Variants in PARP8 observed in about 807,000 individuals in gnomAD.
PARP8 encodes poly(ADP-ribose) polymerase family member 8.
A neutral mutation model predicts 124.1 loss-of-function variants in PARP8; 51 were observed. That is an observed-to-expected ratio of 0.41 (90% CI 0.33 to 0.52). The LOEUF (loss-of-function observed/expected upper bound fraction) is 0.52, where lower values mean the gene tolerates loss of function less well. PARP8 is among the 20% of genes least tolerant of loss of function. PARP8 has a pLI of 0.21. For missense variants in PARP8, 860 were observed against 1,018.9 expected, an observed-to-expected ratio of 0.84 and a Z score of 2.12; for synonymous variants, 391 against 361.5, an observed-to-expected ratio of 1.08 and a Z score of -0.93.
chr5:50,714,498 T>C (rs1239009120), intron 2 of PARP8, among the ~76,000 whole-genome samples: 1 of 152,136 alleles, frequency 6.6e-6, no homozygotes, highest in African/African-American at 2.4e-5. Context: ...GGTGGTTTGC[T>C]GCGCCTATCA....
chr5:50,729,486 A>G (rs1416175110), intron 2 of PARP8, among the ~76,000 whole-genome samples: 7 of 152,186 alleles, frequency 4.6e-5, no homozygotes, highest in Non-Finnish European at 1.0e-4. Context: ...AGTGCTGTGT[A>G]ACTAGGACAA....
rs900257356 is a variant in PARP8 at position 50,842,731 on chromosome 5, G to A, written c.*663G>A. Reference sequence around the variant, plus strand: ...GGCTTAGCTTCACAATTCTATCCTCGTTTAATGGAAAGAAGATAATATTTA... The same window carrying A: ...GGCTTAGCTTCACAATTCTATCCTCATTTAATGGAAAGAAGATAATATTTA... On this transcript the variant is annotated 3_prime_UTR_variant, in exon 26 of 26. Coordinates refer to ENST00000281631, the MANE Select transcript of PARP8 (RefSeq NM_024615.4). The A allele has an allele frequency of 4.6e-5, 7 of 151,604 alleles. No individual in the cohort carries two copies. Among genetic ancestry groups the A allele is most frequent in the African/African-American group, 1.2e-4 (5 of 41,344 alleles). 9.4% of individuals were successfully genotyped at this position (151,604 alleles called of 1,614,324 possible).
At chr5:50,706,112 C>G (rs180743859) in intron 2 of PARP8, among the ~76,000 whole-genome samples, 8 of 152,066 alleles carry the variant, frequency 5.3e-5, no homozygotes, top group Non-Finnish European at 1.2e-4. Context: ...TACTGTTTCC[C>G]CCATTCTTGC....
chr5:50,779,770 A>C (rs1740458130), intron 9 of PARP8, among the ~76,000 whole-genome samples: 1 of 152,198 alleles, frequency 6.6e-6, no homozygotes, highest in South Asian at 2.1e-4. Flanking sequence ...TCCTTTAGGC[A>C]TATCAGGGAA....
chr5:50,810,250 A>G (rs1448273278), intron 14 of PARP8, among the ~76,000 whole-genome samples: 3 of 152,128 alleles, frequency 2.0e-5, no homozygotes, highest in Non-Finnish European at 4.4e-5. Flanking sequence ...GCAATATAAT[A>G]TAATATTAAG....
intron 2 of PARP8, among the ~76,000 whole-genome samples, chr5:50,707,229 A>G: frequency 6.6e-6 from 1 of 152,204 alleles, no homozygotes; most frequent in East Asian, 1.9e-4. Flanking sequence ...GATACAGTAT[A>G]TAATTCGTCA....
chr5:50,792,619 A>T (rs1742088924), intron 10 of PARP8, among the ~76,000 whole-genome samples: 1 of 152,122 alleles, frequency 6.6e-6, no homozygotes, highest in African/African-American at 2.4e-5. Flanking sequence ...GGAAATTTCA[A>T]ATTAGGTACA....
At chr5:50,834,134 C>A in intron 24 of PARP8, 86 bp downstream of exon 24, 1 of 1,084,194 alleles carries the variant, frequency 9.2e-7, no homozygotes, top group Non-Finnish European at 1.4e-6. Context: ...AGAGTGCTTA[C>A]GGTGGAATAG....
chr5:50,825,032 T>G (rs1441302026), intron 18 of PARP8, 57 bp downstream of exon 18: 1 of 1,423,438 alleles, frequency 7.0e-7, no homozygotes, highest in Non-Finnish European at 9.8e-7. Context: ...ACTGCTTGAT[T>G]TAAGGAAAAA....
intron 14 of PARP8, among the ~76,000 whole-genome samples, chr5:50,798,246 A>G (rs528798881): frequency 6.6e-6 from 1 of 152,270 alleles, no homozygotes; most frequent in South Asian, 2.1e-4. Flanking sequence ...AACTCTGTTT[A>G]ACTTTTTGAG....
At chr5:50,707,627 C>CAGAGAGAGAG (rs34400961) in intron 2 of PARP8, among the ~76,000 whole-genome samples, 11 of 145,322 alleles carry the variant, frequency 7.6e-5, no homozygotes, top group Admixed American at 2.1e-4. Flanking sequence ...ATAGGGGAGA[C>CAGAGAGAGAG]AGAGAGAGAG....
intron 10 of PARP8, among the ~76,000 whole-genome samples, chr5:50,792,479 G>GTT (rs35302971): frequency 2.8e-4 from 41 of 147,312 alleles, no homozygotes; most frequent in East Asian, 1.6e-3. Context: ...ATTTTGACCT[G>GTT]TTTTTTTTTT....
At chr5:50,825,167 T>G (rs770582278) in intron 18 of PARP8, among the ~76,000 whole-genome samples, 192 bp downstream of exon 18, 2 of 152,094 alleles carry the variant, frequency 1.3e-5, no homozygotes, top group African/African-American at 2.4e-5. Context: ...TTAAAACTTA[T>G]ACATCACAAG....
At chr5:50,777,361 A>G (rs1740149798) in intron 7 of PARP8, among the ~76,000 whole-genome samples, 1 of 152,148 alleles carries the variant, frequency 6.6e-6, no homozygotes, top group African/African-American at 2.4e-5. Flanking sequence ...TATGCATAGC[A>G]TTTGTAACTT....
At chr5:50,811,875 G>A (rs184460663) in intron 14 of PARP8, among the ~76,000 whole-genome samples, 11 of 152,158 alleles carry the variant, frequency 7.2e-5, no homozygotes, top group African/African-American at 2.7e-4. Flanking sequence ...TGCTCAGAAT[G>A]ATGATTTCCA....
At position 50,794,940 on chromosome 5, in the gene PARP8, G is replaced by T; in HGVS notation, c.951G>T (p.Leu317=). 6.2e-7 allele frequency: 1 copy of T among 1,614,188 alleles called. No individual in the cohort carries two copies. The highest frequency in any genetic ancestry group is 8.5e-7 in the Non-Finnish European group (1 of 1,180,032). The change falls in exon 12 of 26, where the codon CTG becomes CTT. Residue 317 remains leucine (L), a synonymous_variant. Transcript: ENST00000281631. ...ACGGAATCTCCAAAACGCATAAGCT[G>T]CTGCGGAGGACTTGTTCCAGCACAG... The part of the protein sequence containing the change: ...EQDGISKTHK[L]LRRTCSSTVK...
At chr5:50,699,092 A>G (rs1001105961) in intron 2 of PARP8, among the ~76,000 whole-genome samples, 2 of 152,212 alleles carry the variant, frequency 1.3e-5, no homozygotes, top group Admixed American at 6.5e-5. Flanking sequence ...GGAAAAGGTT[A>G]AAACCTGTCC....
chr5:50,710,490 CT>C (rs1307272440), intron 2 of PARP8, among the ~76,000 whole-genome samples: 32 of 151,738 alleles, frequency 2.1e-4, no homozygotes, highest in Admixed American at 8.6e-4. Flanking sequence ...AGAAGGAAAC[CT>C]TTTTTAAAAA....
chr5:50,761,840 C>T lies in PARP8; in HGVS notation c.365C>T (p.Thr122Ile), dbSNP rs762080636. 1 of 1,598,198 alleles carries T rather than the reference C, an allele frequency of 6.3e-7. No individual in the cohort carries two copies. Among genetic ancestry groups the T allele is most frequent in the South Asian group, 1.1e-5 (1 of 89,550 alleles). ...TTTAAGGAATCAAGACAGAATAGTA[C>T]AGTGGAGGAAGATTCTGAAGGTGAC... ...ENGEESRQNS[T>I]VEEDSEGDND... The change falls in exon 6 of 26, where the codon ACA becomes ATA. Residue 122 changes from threonine to isoleucine, a missense_variant. This residue lies in a region of PARP8 where 517 missense variants were observed against 544.2 expected (regional missense o/e 0.95). Transcript: ENST00000281631.
Sources: allele counts gnomAD v4.1 joint callset (sites outside exome capture counted in the v4.1 genomes callset), GRCh38; gene constraint gnomAD v4.1.1; regional missense constraint gnomAD v4.1.1; transcripts MANE v1.5; gene names NCBI Gene and HGNC (gene_info 2026-07-23, HGNC 2026-07-21).